MYRFL: variants seen among roughly 807,000 people sequenced by gnomAD.
MYRFL encodes the protein myelin regulatory factor like.
MYRFL carries 88 observed loss-of-function variants against 109.4 expected under a neutral mutation model. The observed-to-expected ratio is 0.80, with a 90% CI of 0.68 to 0.96. The LOEUF is 0.96. Among genes scored for constraint, MYRFL ranks in the 40% least tolerant of loss-of-function variants. The pLI, the probability that MYRFL is intolerant of heterozygous loss-of-function variation, is 0.00. For missense variants in MYRFL, 957 were observed against 954.9 expected (o/e 1.00, Z -0.03); for synonymous variants, 324 against 320.9 (o/e 1.01, Z -0.10).
intron 11 of MYRFL, among the ~76,000 whole-genome samples, chr12:69,909,400 A>G (rs575186814): frequency 1.3e-5 from 2 of 152,320 alleles, no homozygotes; most frequent in African/African-American, 2.4e-5. Flanking sequence ...TGGTTCCTCT[A>G]TCACATGGAT....
In MYRFL at chr12:69,932,570, A is replaced by G. The variant is rs1279837937; in HGVS notation, c.1888A>G (p.Ile630Val). The G allele has an allele frequency of 2.0e-6, 3 of 1,535,950 alleles. No homozygotes were observed. Among genetic ancestry groups the G allele is most frequent in the Admixed American group, 2.0e-5 (1 of 50,988 alleles). Residue 630 changes from isoleucine (I) to valine (V), a missense_variant, in exon 16 of 25, where the codon ATA becomes GTA. Ile to Val is a conservative substitution (Grantham distance 29). Transcript: ENST00000552032. ...CPNWVFQTLV[I>V]TLIAVMAFCA... The stretch of plus-strand genomic sequence containing the variant: ...TAATTGGGTTTTCCAGACCTTGGTT[A>G]TAACTCTGATTGCTGTGATGGCATT...
intron 13 of MYRFL, among the ~76,000 whole-genome samples, chr12:69,923,940 A>C (rs1954990463): frequency 1.3e-5 from 2 of 152,176 alleles, no homozygotes; most frequent in Admixed American, 6.5e-5. Context: ...CTGTAATCCC[A>C]GCACTCTGGG....
intron 1 of MYRFL, among the ~76,000 whole-genome samples, chr12:69,852,579 ATTTTTT>A (rs61145700): frequency 2.7e-5 from 3 of 112,212 alleles, no homozygotes; most frequent in Non-Finnish European, 3.6e-5. Flanking sequence ...TTAATTTTTA[ATTTTTT>A]TTTTTTTTTT....
chr12:69,956,644 C>G (rs1299855303), intron 22 of MYRFL, among the ~76,000 whole-genome samples: 1 of 151,884 alleles, frequency 6.6e-6, no homozygotes, highest in African/African-American at 2.4e-5. Context: ...TTTCCTCCTC[C>G]ATCCTTCACC....
intron 16 of MYRFL, among the ~76,000 whole-genome samples, chr12:69,932,867 G>GTGTGTGTGTGTGTGTGTT (rs1955312344): frequency 6.6e-6 from 1 of 150,590 alleles, no homozygotes; most frequent in African/African-American, 2.4e-5. Context: ...CCTTTCGTGT[G>GTGTGTGTGTGTGTGTGTT]TGTGTGTGTG....
At chr12:69,889,140 G>A (rs992410052) in intron 6 of MYRFL, among the ~76,000 whole-genome samples, 7 of 151,948 alleles carry the variant, frequency 4.6e-5, no homozygotes, top group Admixed American at 1.3e-4. Flanking sequence ...TCCAAATTGA[G>A]ATCCCAGGAT....
At chr12:69,942,515 A>T (rs1955690187) in intron 19 of MYRFL, among the ~76,000 whole-genome samples, 1 of 150,658 alleles carries the variant, frequency 6.6e-6, no homozygotes. Flanking sequence ...TCAATAAATT[A>T]GGTATTGATG....
At chr12:69,943,198 G>A (rs528885376) in intron 19 of MYRFL, among the ~76,000 whole-genome samples, 1 of 151,744 alleles carries the variant, frequency 6.6e-6, no homozygotes, top group Admixed American at 6.6e-5. Flanking sequence ...AGTTCATATG[G>A]AACGAAAAAA....
chr12:69,946,417 G>C (rs980944592), intron 19 of MYRFL: 1 of 152,064 alleles, frequency 6.6e-6, no homozygotes, highest in African/African-American at 2.4e-5. Flanking sequence ...AAAAACTTTT[G>C]GAAATTTAGT....
intron 14 of MYRFL, 46 bp downstream of exon 14, chr12:69,926,780 G>C (rs917961684): frequency 1.8e-5 from 24 of 1,348,628 alleles, no homozygotes; most frequent in Admixed American, 6.1e-5. Flanking sequence ...AAAGGAGAGA[G>C]TGAGCTCTTT....
chr12:69,841,011 GTTA>G (rs1883212585), intron 1 of MYRFL, among the ~76,000 whole-genome samples: 1 of 152,192 alleles, frequency 6.6e-6, no homozygotes, highest in Admixed American at 6.5e-5. Context: ...TTTTAATTCA[GTTA>G]TTATTTCCAA....
chr12:69,856,105 T>C (rs960357497), intron 2 of MYRFL, among the ~76,000 whole-genome samples: 3 of 151,384 alleles, frequency 2.0e-5, no homozygotes, highest in African/African-American at 4.9e-5. Context: ...CACTGTCCCC[T>C]GGTAACCACT....
At chr12:69,936,692 A>G (rs61929670) in intron 19 of MYRFL, 60 bp downstream of exon 19, 98,262 of 1,386,786 alleles carry the variant, frequency 0.071, 4,108 homozygotes, top group Middle Eastern at 0.16. Context: ...TTTTCTTGTC[A>G]CAATTTACTT....
intron 16 of MYRFL, among the ~76,000 whole-genome samples, chr12:69,934,335 A>AC (rs1212797985): frequency 6.6e-6 from 1 of 152,134 alleles, no homozygotes; most frequent in East Asian, 1.9e-4. Flanking sequence ...CAGGCATGTC[A>AC]CCCCAAGGGG....
chr12:69,948,370 A>G (rs1036696559), intron 19 of MYRFL, among the ~76,000 whole-genome samples: 1 of 152,200 alleles, frequency 6.6e-6, no homozygotes, highest in African/African-American at 2.4e-5. Flanking sequence ...CCAGGTACTC[A>G]ATTGTATTCA....
chr12:69,875,970 G>A (rs573404862), intron 2 of MYRFL, among the ~76,000 whole-genome samples: 1 of 152,166 alleles, frequency 6.6e-6, no homozygotes, highest in Non-Finnish European at 1.5e-5. Context: ...TGTAAACTTT[G>A]TCTCGGGAAG....
intron 13 of MYRFL, among the ~76,000 whole-genome samples, chr12:69,913,611 TGA>T (rs778156195): frequency 1.4e-4 from 21 of 152,334 alleles, no homozygotes; most frequent in Admixed American, 5.2e-4. Flanking sequence ...ACCATATATG[TGA>T]GAGTTTATTT....
intron 13 of MYRFL, among the ~76,000 whole-genome samples, chr12:69,922,269 A>T (rs1954936046): frequency 6.6e-6 from 1 of 152,178 alleles, no homozygotes. Flanking sequence ...ATAGTAAATA[A>T]TGATTTAACA....
intron 1 of MYRFL, among the ~76,000 whole-genome samples, chr12:69,831,192 G>A (rs1882610431): frequency 6.6e-6 from 1 of 151,944 alleles, no homozygotes; most frequent in Non-Finnish European, 1.5e-5. Flanking sequence ...CATCAACAGG[G>A]GTCAGTAAAT....
Sources: allele counts gnomAD v4.1 joint callset (sites outside exome capture counted in the v4.1 genomes callset), GRCh38; gene constraint gnomAD v4.1.1; transcripts MANE v1.5; gene names NCBI Gene and HGNC (gene_info 2026-07-23, HGNC 2026-07-21).